CDC40: variants seen among roughly 807,000 people sequenced by gnomAD.
CDC40 encodes the protein cell division cycle 40.
A neutral mutation model predicts 80.6 loss-of-function variants in CDC40; 27 were observed. The ratio of observed to expected loss-of-function variants is 0.33; its 90% CI spans 0.25 to 0.46. CDC40 has a LOEUF of 0.46. CDC40 is among the 20% of genes least tolerant of loss of function. CDC40 has a pLI of 1.00. For missense variants in CDC40, 486 were observed against 694.1 expected, an observed-to-expected ratio of 0.70 and a Z score of 3.37; for synonymous variants, 221 against 232.6, an observed-to-expected ratio of 0.95 and a Z score of 0.45.
intron 1 of CDC40, among the ~76,000 whole-genome samples, chr6:110,192,525 C>T (rs1448582009): frequency 6.6e-6 from 1 of 152,086 alleles, no homozygotes; most frequent in Non-Finnish European, 1.5e-5. Flanking sequence ...GAAGAGATGT[C>T]AGGTTGAAGG....
chr6:110,218,057 G>C (rs1481382368), intron 10 of CDC40, among the ~76,000 whole-genome samples: 1 of 152,192 alleles, frequency 6.6e-6, no homozygotes, highest in African/African-American at 2.4e-5. Flanking sequence ...TGGAAATCTT[G>C]TATAGGCCAT....
In CDC40 at chr6:110,230,838, G is replaced by C. The variant is rs1777927284; in HGVS notation, c.*707G>C. On this transcript the variant is annotated 3_prime_UTR_variant, in exon 15 of 15. Coordinates refer to ENST00000307731, the MANE Select transcript of CDC40 (RefSeq NM_015891.3). The stretch of plus-strand genomic sequence containing the variant: ...TTATATCTGAAGATGGAGCTCAGGA[G>C]AATGCACCAAGACTTTGAATTGTAT... The C allele has an allele frequency of 6.6e-6, 1 of 152,218 alleles. No individual in the cohort carries two copies. The highest frequency in any genetic ancestry group is 2.1e-4 in the South Asian group (1 of 4,826). 9.4% of individuals were successfully genotyped at this position (152,218 alleles called of 1,614,324 possible).
chr6:110,198,796 C>A (rs1458826653), intron 2 of CDC40, among the ~76,000 whole-genome samples: 1 of 152,090 alleles, frequency 6.6e-6, no homozygotes, highest in Admixed American at 6.5e-5. Flanking sequence ...TTATAAATCA[C>A]GTGAACACAA....
At chr6:110,203,630 T>G (rs1311853386) in intron 3 of CDC40, among the ~76,000 whole-genome samples, 1 of 152,228 alleles carries the variant, frequency 6.6e-6, no homozygotes. Context: ...AGTGAATTAT[T>G]TCTGGAAGAT....
chr6:110,211,211 A>G (rs1777633147), intron 6 of CDC40: 1 of 152,264 alleles, frequency 6.6e-6, no homozygotes, highest in Non-Finnish European at 1.5e-5. Context: ...ATTCAGCTAT[A>G]TTCAGAATAA....
At chr6:110,209,932 TTAC>T in intron 5 of CDC40, among the ~76,000 whole-genome samples, 1 of 152,324 alleles carries the variant, frequency 6.6e-6, no homozygotes, top group South Asian at 2.1e-4. Flanking sequence ...AGATAGAGAT[TTAC>T]TACTACCCCA....
intron 1 of CDC40, among the ~76,000 whole-genome samples, chr6:110,191,248 G>C (rs1221874575): frequency 6.6e-6 from 1 of 152,194 alleles, no homozygotes; most frequent in Non-Finnish European, 1.5e-5. Flanking sequence ...AACTCTACCA[G>C]ATCTTCACTT....
intron 10 of CDC40, among the ~76,000 whole-genome samples, chr6:110,218,059 A>G (rs745319129): frequency 2.6e-5 from 4 of 152,250 alleles, no homozygotes; most frequent in Non-Finnish European, 4.4e-5. Context: ...GAAATCTTGT[A>G]TAGGCCATCT....
chr6:110,206,357 G>A (rs1039636895), intron 3 of CDC40, among the ~76,000 whole-genome samples: 1 of 152,160 alleles, frequency 6.6e-6, no homozygotes, highest in African/African-American at 2.4e-5. Flanking sequence ...ACTTTTTTAT[G>A]TATTCTATTA....
At chr6:110,197,999 T>A (rs938741141) in intron 2 of CDC40, among the ~76,000 whole-genome samples, 2 of 152,170 alleles carry the variant, frequency 1.3e-5, no homozygotes, top group African/African-American at 4.8e-5. Context: ...GCTGCACTAA[T>A]TTCCATTCCC....
Position 110,180,522 on chromosome 6 carries a change from C to T in CDC40, c.78C>T (p.Ser26=). Residue 26 remains serine, a synonymous_variant, in exon 1 of 15, where the codon AGC becomes AGT. Coordinates refer to ENST00000307731, the MANE Select transcript of CDC40 (RefSeq NM_015891.3). The part of the protein sequence containing the change: ...SGSESDSDSE[S]SRCPLPAADS... ...CCGAATCGGACTCGGACAGTGAGAG[C>T]AGTCGGTGTCCGCTGCCAGCCGCCG... 1 of 1,614,182 alleles carries T rather than the reference C, an allele frequency of 6.2e-7. No individual in the cohort carries two copies. Among genetic ancestry groups the T allele is most frequent in the Non-Finnish European group, 8.5e-7 (1 of 1,180,018 alleles).
At chr6:110,219,086 CCAG>C (rs1240243177) in intron 10 of CDC40, among the ~76,000 whole-genome samples, 1 of 151,994 alleles carries the variant, frequency 6.6e-6, no homozygotes, top group Non-Finnish European at 1.5e-5. Flanking sequence ...ATGGCTTGTA[CCAG>C]TAGTTTGTTC....
At chr6:110,227,813 T>TA (rs1290147195) in intron 13 of CDC40, among the ~76,000 whole-genome samples, 2 of 152,248 alleles carry the variant, frequency 1.3e-5, no homozygotes, top group African/African-American at 4.8e-5. Flanking sequence ...TATATGCAAA[T>TA]ACTATGCCAT....
At chr6:110,219,990 C>T (rs1777747721) in intron 12 of CDC40, 121 bp downstream of exon 12, 2 of 972,428 alleles carry the variant, frequency 2.1e-6, no homozygotes, top group Middle Eastern at 2.4e-4. Flanking sequence ...GTGATCCTGG[C>T]TTGCCAATCA....
At chr6:110,204,660 T>TC (rs1554207782) in intron 3 of CDC40, among the ~76,000 whole-genome samples, 2 of 82,416 alleles carry the variant, frequency 2.4e-5, no homozygotes, top group Admixed American at 1.1e-4. Context: ...CCTATTTCTC[T>TC]TTTTTTTTTT....
chr6:110,208,834 T>A (rs1232175867), intron 4 of CDC40, among the ~76,000 whole-genome samples: 3 of 152,178 alleles, frequency 2.0e-5, no homozygotes, highest in Admixed American at 6.5e-5. Flanking sequence ...TATACAGTAT[T>A]AGAATTTGCA....
At chr6:110,214,073 T>G (rs1474419807) in intron 8 of CDC40, among the ~76,000 whole-genome samples, 1 of 152,162 alleles carries the variant, frequency 6.6e-6, no homozygotes, top group East Asian at 1.9e-4. Flanking sequence ...AATTCATGGA[T>G]ATTAACAATA....
At chr6:110,227,316 C>G (rs1190654835) in intron 13 of CDC40, among the ~76,000 whole-genome samples, 2 of 152,180 alleles carry the variant, frequency 1.3e-5, no homozygotes, top group Non-Finnish European at 1.5e-5. Context: ...ACATAATTAA[C>G]TCCAAGTGTA....
At chr6:110,190,365 A>C (rs940167225) in intron 1 of CDC40, among the ~76,000 whole-genome samples, 1 of 152,222 alleles carries the variant, frequency 6.6e-6, no homozygotes, top group African/African-American at 2.4e-5. Context: ...AGGGTGTATT[A>C]AAGCAGATAA....
Sources: gnomAD v4.1 joint callset for allele counts (sites outside exome capture counted in the v4.1 genomes callset) on GRCh38, gnomAD v4.1.1 for gene constraint, MANE v1.5 for transcripts, NCBI Gene and HGNC (gene_info 2026-07-23, HGNC 2026-07-21) for gene names.